Variants in STS observed in about 807,000 individuals in gnomAD.
STS encodes the protein steroid sulfatase.
A neutral mutation model predicts 26.8 loss-of-function variants in STS; 7 were observed. The observed-to-expected ratio is 0.26, with a 90% CI of 0.15 to 0.49. The LOEUF is 0.49. Among genes scored for constraint, STS ranks in the 20% least tolerant of loss-of-function variants. The probability of loss-of-function intolerance (pLI) is 0.98; values close to 1 mark genes in which losing one functional copy is unlikely to be tolerated. For synonymous variants in STS, 199 were observed against 189.4 expected, an observed-to-expected ratio of 1.05 and a Z score of -0.42; for missense variants, 434 against 465.6, an observed-to-expected ratio of 0.93 and a Z score of 0.63.
intron 10 of STS, among the ~76,000 whole-genome samples, chrX:7,338,582 CCTAGGAGAA>C (rs1928139086): frequency 1.8e-5 from 2 of 111,540 alleles, no homozygotes; most frequent in Non-Finnish European, 3.8e-5. Flanking sequence ...CCATTATTTC[CCTAGGAGAA>C]GGATGTAGAC....
chrX:7,232,333 C>T (rs1404332280), intron 2 of STS, among the ~76,000 whole-genome samples: 2 of 112,242 alleles, frequency 1.8e-5, no homozygotes, highest in Non-Finnish European at 3.8e-5. Context: ...AACCTTTATA[C>T]AGTGCATTAG....
At chrX:7,251,703 C>T (rs1203929289) in intron 2 of STS, among the ~76,000 whole-genome samples, 2 of 111,902 alleles carry the variant, frequency 1.8e-5, no homozygotes, top group Non-Finnish European at 3.8e-5. Flanking sequence ...TCACCATCAT[C>T]CCAGCTACTC....
chrX:7,179,168 G>A (rs1310680886), intron 1 of STS, among the ~76,000 whole-genome samples: 1 of 109,854 alleles, frequency 9.1e-6, no homozygotes, highest in Non-Finnish European at 1.9e-5. Context: ...TCATGAAAGT[G>A]GTAACTGGCC....
At position 7,323,732 on chromosome X, in the gene STS, A is replaced by G. The variant is rs766997164; in HGVS notation, c.1082-1607A>G. ...AATAATTTATTTTCCTTTGGGAATA[A>G]CCATGAATTAAATGGGTCCTCAAGG... is the stretch of plus-strand genomic sequence containing the variant. On this transcript the variant is annotated intron_variant, in intron 8 of 10. Transcript: ENST00000674429. Among the ~76,000 whole-genome samples, 12 of 111,940 alleles carry G rather than the reference A, an allele frequency of 1.1e-4. No homozygotes were observed. In the South Asian group the frequency reaches 3.0e-3, roughly 28 times the overall value.
chrX:7,209,643 A>C (rs1353660190), intron 2 of STS, among the ~76,000 whole-genome samples: 7 of 106,078 alleles, frequency 6.6e-5, no homozygotes, highest in African/African-American at 2.4e-4. Context: ...TTTTATTTTT[A>C]AATTTTTTTC....
At chrX:7,213,991 G>A (rs1443527014) in intron 2 of STS, among the ~76,000 whole-genome samples, 2 of 111,327 alleles carry the variant, frequency 1.8e-5, no homozygotes. Flanking sequence ...GCTGAGGCGG[G>A]AGGATTGCTT....
At chrX:7,305,237 C>CT in intron 8 of STS, 54 bp downstream of exon 8, 1 of 1,198,192 alleles carries the variant, frequency 8.3e-7, no homozygotes, top group East Asian at 3.0e-5. Flanking sequence ...CCGCTGGTCA[C>CT]TTTTTTCTTG....
intron 9 of STS, among the ~76,000 whole-genome samples, chrX:7,325,919 T>C (rs1243410252): frequency 1.8e-5 from 2 of 111,730 alleles, no homozygotes; most frequent in African/African-American, 3.3e-5. Context: ...GGAACGGGGG[T>C]CTTATGACCT....
intron 10 of STS, 102 bp downstream of exon 10, chrX:7,334,209 C>A: frequency 1.8e-6 from 2 of 1,083,859 alleles, no homozygotes; most frequent in South Asian, 1.9e-5. Context: ...TCAATGGAGG[C>A]CAACAGGTGC....
intron 1 of STS, among the ~76,000 whole-genome samples, chrX:7,176,818 G>C (rs949501757): frequency 4.5e-5 from 5 of 111,189 alleles, no homozygotes; most frequent in Non-Finnish European, 9.4e-5. Flanking sequence ...CAACATGAAG[G>C]GATTATGGGA....
At chrX:7,305,716 A>G (rs896229643) in intron 8 of STS, among the ~76,000 whole-genome samples, 3 of 111,428 alleles carry the variant, frequency 2.7e-5, no homozygotes, top group Non-Finnish European at 5.7e-5. Context: ...AAAGCTAACA[A>G]TTCACTGTCT....
intron 1 of STS, among the ~76,000 whole-genome samples, chrX:7,165,869 C>T (rs755591761): frequency 3.6e-5 from 4 of 111,190 alleles, no homozygotes; most frequent in African/African-American, 6.5e-5. Flanking sequence ...CAATGTCCCC[C>T]GGGGGTCAAA....
At chrX:7,221,469 C>A (rs1921566067) in intron 2 of STS, among the ~76,000 whole-genome samples, 1 of 111,995 alleles carries the variant, frequency 8.9e-6, no homozygotes, top group African/African-American at 3.2e-5. Context: ...GATGCTGTAA[C>A]ACATGATTTT....
intron 7 of STS, among the ~76,000 whole-genome samples, chrX:7,293,742 C>G (rs1217652886): frequency 8.9e-6 from 1 of 111,768 alleles, no homozygotes; most frequent in African/African-American, 3.3e-5. Context: ...TCTTCTCTCT[C>G]CACTTTCTAT....
rs1402753313 is a variant in STS at position 7,271,719 on chromosome X, A to AT, written c.807-4218dup. 8.7e-3 allele frequency among the ~76,000 whole-genome samples: 843 copies of AT among 97,361 alleles called. 1 individual carries two copies. The highest frequency in any genetic ancestry group is 0.02 in the African/African-American group (541 of 26,941). The allele number at this position is 97,361 out of a possible 115,157, so 84.5% of individuals were successfully genotyped here. A position where few individuals can be genotyped will look rare whatever the true frequency, so the allele number is the denominator to read the frequency against. On this transcript the variant is annotated intron_variant, in intron 6 of 10. Coordinates refer to ENST00000674429, the MANE Select transcript of STS (RefSeq NM_001320752.2). ...TGAGAGGTGAGACAAGCCACTCAGG[A>AT]TTTTTTTTTTTTTTAACTTTCTTGG...
rs1036005479 is a variant in STS at position 7,289,398 on chromosome X, G to A, written c.943+13311G>A. On this transcript the variant is annotated intron_variant, in intron 7 of 10. Coordinates refer to ENST00000674429, the MANE Select transcript of STS (RefSeq NM_001320752.2). ...TACCCTCCAAGAGCTATTTTCCTCA[G>A]GTGCTACCATTCCCACTTGGATGAG... Among the ~76,000 whole-genome samples the A allele has an allele frequency of 2.7e-5, 3 of 111,731 alleles. No homozygotes were observed. In the East Asian group the frequency reaches 8.6e-4, roughly 32 times the overall value.
chrX:7,223,864 C>A (rs745466268), intron 2 of STS, among the ~76,000 whole-genome samples: 1 of 111,149 alleles, frequency 9.0e-6, no homozygotes, highest in East Asian at 2.8e-4. Context: ...TTTATGGAAA[C>A]CAGCAGAAGA....
chrX:7,321,880 C>A (rs1293212840), intron 8 of STS, among the ~76,000 whole-genome samples: 1 of 111,697 alleles, frequency 9.0e-6, no homozygotes, highest in Non-Finnish European at 1.9e-5. Context: ...TGTTTATTCC[C>A]CCAGCGATGG....
At chrX:7,195,859 G>A (rs1234351146) in intron 2 of STS, among the ~76,000 whole-genome samples, 3 of 111,921 alleles carry the variant, frequency 2.7e-5, no homozygotes, top group Non-Finnish European at 5.6e-5. Flanking sequence ...TAAAAACAAT[G>A]ACAACCATTA....
Sources: gnomAD v4.1 joint callset for allele counts (sites outside exome capture counted in the v4.1 genomes callset) on GRCh38, gnomAD v4.1.1 for gene constraint, MANE v1.5 for transcripts, NCBI Gene and HGNC (gene_info 2026-07-23, HGNC 2026-07-21) for gene names.